The following TNS3 variants were observed in gnomAD, a reference collection of about 807,000 sequenced individuals.
TNS3 encodes the protein tensin 3, also known as tensin-3.
In TNS3, 45 loss-of-function variants were observed where a neutral mutation model predicts 140.9. The ratio of observed to expected loss-of-function variants is 0.32; its 90% CI spans 0.25 to 0.41. TNS3 has a LOEUF of 0.41. TNS3 is among the 10% of genes least tolerant of loss of function. The pLI is 1.00. For missense variants in TNS3, 1,716 were observed against 1,906.7 expected, an observed-to-expected ratio of 0.90 and a Z score of 1.86; for synonymous variants, 815 against 788.4, an observed-to-expected ratio of 1.03 and a Z score of -0.56.
At chr7:47,410,858 T>C (rs834605) in intron 13 of TNS3, among the ~76,000 whole-genome samples, 60,524 of 151,946 alleles carry the variant, frequency 0.4, 12,237 homozygotes, top group Non-Finnish European at 0.42. Flanking sequence ...AGATAAAAAA[T>C]TTTCCTAAAA....
intron 1 of TNS3, among the ~76,000 whole-genome samples, chr7:47,576,709 C>T (rs763368155): frequency 2.2e-4 from 34 of 152,330 alleles, no homozygotes; most frequent in Non-Finnish European, 2.5e-4. Context: ...CTCTCCTGCC[C>T]GCCTGCCCTG....
chr7:47,538,927 A>G (rs944571130), intron 1 of TNS3: 119 of 430,264 alleles, frequency 2.8e-4, no homozygotes, highest in African/African-American at 2.3e-3. Context: ...ACACATCTGT[A>G]TCGTATTCAT....
At chr7:47,527,625 A>C (rs985785544) in intron 2 of TNS3, among the ~76,000 whole-genome samples, 1 of 152,182 alleles carries the variant, frequency 6.6e-6, no homozygotes. Flanking sequence ...GCCGTTTGCA[A>C]GTATGGGCTT....
chr7:47,531,066 G>T, intron 1 of TNS3, among the ~76,000 whole-genome samples: 1 of 151,720 alleles, frequency 6.6e-6, no homozygotes. Context: ...AATACTGAAA[G>T]ATGGACACAA....
chr7:47,409,482 A>T (rs1283965814), intron 13 of TNS3, among the ~76,000 whole-genome samples: 3 of 152,114 alleles, frequency 2.0e-5, no homozygotes, highest in Non-Finnish European at 2.9e-5. Context: ...GCTGCCTCCC[A>T]TGAGTCATCT....
chr7:47,409,050 A>C (rs897009322), intron 13 of TNS3, among the ~76,000 whole-genome samples: 19 of 152,182 alleles, frequency 1.2e-4, no homozygotes, highest in African/African-American at 4.3e-4. Context: ...ATTAAAAAAA[A>C]AGACTACTGG....
chr7:47,439,777 GC>G, intron 5 of TNS3, 119 bp from the exon 6 acceptor site: 2 of 1,055,940 alleles, frequency 1.9e-6, no homozygotes, highest in Non-Finnish European at 2.7e-6. Context: ...CAGCACCTGG[GC>G]GGCCAGCTAC....
intron 1 of TNS3, among the ~76,000 whole-genome samples, chr7:47,530,086 T>C (rs374460747): frequency 1.3e-5 from 2 of 152,314 alleles, no homozygotes; most frequent in East Asian, 1.9e-4. Flanking sequence ...TAAAAGCCTA[T>C]GTCCACAAGA....
At chr7:47,455,076 C>A (rs1796191940) in intron 4 of TNS3, among the ~76,000 whole-genome samples, 2 of 152,208 alleles carry the variant, frequency 1.3e-5, no homozygotes, top group Non-Finnish European at 2.9e-5. Flanking sequence ...ACAGCCCCAC[C>A]AAACCCCCAG....
intron 15 of TNS3, among the ~76,000 whole-genome samples, chr7:47,398,100 G>A (rs967456002): frequency 3.3e-5 from 5 of 152,070 alleles, no homozygotes; most frequent in South Asian, 2.1e-4. Context: ...AACCCTCCTC[G>A]ATTAAATCAG....
At chr7:47,539,612 T>C in intron 1 of TNS3, 1 of 168,000 alleles carries the variant, frequency 6.0e-6, no homozygotes, top group Non-Finnish European at 1.3e-5. Flanking sequence ...CCTTTCTGGC[T>C]GAAAACCGCT....
At chr7:47,386,364 G>C (rs996099553) in intron 16 of TNS3, among the ~76,000 whole-genome samples, 1 of 152,206 alleles carries the variant, frequency 6.6e-6, no homozygotes, top group African/African-American at 2.4e-5. Context: ...CCCAGCTCCT[G>C]GGGTCAATGG....
intron 10 of TNS3, among the ~76,000 whole-genome samples, chr7:47,421,483 G>C (rs1450955660): frequency 6.6e-6 from 1 of 151,446 alleles, no homozygotes; most frequent in African/African-American, 2.4e-5. Context: ...GTGTTGCTAA[G>C]GCAGGTCTCA....
intron 13 of TNS3, among the ~76,000 whole-genome samples, chr7:47,410,085 G>A (rs1793683421): frequency 6.6e-6 from 1 of 152,202 alleles, no homozygotes; most frequent in Non-Finnish European, 1.5e-5. Context: ...AGTGTCCTGG[G>A]AGAAGGAGCC....
intron 13 of TNS3, among the ~76,000 whole-genome samples, chr7:47,406,251 A>G (rs963335693): frequency 3.3e-5 from 5 of 152,144 alleles, no homozygotes; most frequent in Non-Finnish European, 7.3e-5. Flanking sequence ...CCAAGCAGGG[A>G]TGGGCTGGCT....
chr7:47,467,023 G>A (rs1796746909), intron 4 of TNS3, among the ~76,000 whole-genome samples: 4 of 152,172 alleles, frequency 2.6e-5, no homozygotes, highest in Admixed American at 2.0e-4. Context: ...TGACGGTGGT[G>A]GTGATGGTGT....
intron 27 of TNS3, among the ~76,000 whole-genome samples, chr7:47,286,400 A>G (rs1320715676): frequency 6.6e-6 from 1 of 152,138 alleles, no homozygotes; most frequent in Admixed American, 6.5e-5. Flanking sequence ...CAACCAACTG[A>G]CACCAAGTGC....
At chr7:47,576,606 T>G (rs948235253) in intron 1 of TNS3, among the ~76,000 whole-genome samples, 1 of 152,152 alleles carries the variant, frequency 6.6e-6, no homozygotes, top group Non-Finnish European at 1.5e-5. Context: ...CAGGCCCCTT[T>G]GTTTGCAGAG....
At chr7:47,459,626 C>T (rs949111533) in intron 4 of TNS3, among the ~76,000 whole-genome samples, 5 of 152,162 alleles carry the variant, frequency 3.3e-5, no homozygotes, top group African/African-American at 1.2e-4. Flanking sequence ...TATCCCCACA[C>T]AGGGCCCAGT....
Sources: gnomAD v4.1 joint callset for allele counts (sites outside exome capture counted in the v4.1 genomes callset) on GRCh38, gnomAD v4.1.1 for gene constraint, MANE v1.5 for transcripts, NCBI Gene and HGNC (gene_info 2026-07-23, HGNC 2026-07-21) for gene names.